The following GRM7 variants were observed in gnomAD, a reference collection of about 807,000 sequenced individuals.
GRM7 encodes the protein glutamate metabotropic receptor 7, also known as metabotropic glutamate receptor 7.
Under a neutral mutation model 84.5 loss-of-function variants are expected in GRM7, and 35 were observed. The observed-to-expected ratio is 0.41, with a 90% CI of 0.32 to 0.55. The LOEUF is 0.55. Ranked by LOEUF, GRM7 falls within the 20% of genes least tolerant of loss-of-function variation. The pLI is 0.19. For synonymous variants in GRM7, 487 were observed against 455.1 expected (o/e 1.07, Z -0.89); for missense variants, 1,003 against 1,194.6 (o/e 0.84, Z 2.36).
chr3:7,548,322 A>C (rs182899277), intron 7 of GRM7, among the ~76,000 whole-genome samples: 1 of 152,282 alleles, frequency 6.6e-6, no homozygotes, highest in East Asian at 1.9e-4. Flanking sequence ...GGACCTCTCC[A>C]CACTCCAGCT....
chr3:7,399,587 G>A (rs1695360374), intron 4 of GRM7, among the ~76,000 whole-genome samples: 1 of 152,156 alleles, frequency 6.6e-6, no homozygotes, highest in South Asian at 2.1e-4. Flanking sequence ...GTTGAAATTT[G>A]ATCCTCAGTG....
intron 2 of GRM7, among the ~76,000 whole-genome samples, chr3:7,172,065 G>A (rs908585077): frequency 1.3e-5 from 2 of 152,204 alleles, no homozygotes; most frequent in Admixed American, 1.3e-4. Flanking sequence ...ATTTGAAATT[G>A]TCAGTGTGTT....
At chr3:7,494,663 C>A (rs67895424) in intron 7 of GRM7, among the ~76,000 whole-genome samples, 1 of 152,028 alleles carries the variant, frequency 6.6e-6, no homozygotes, top group African/African-American at 2.4e-5. Flanking sequence ...TCTGTTTTTA[C>A]ATTAGGTAAG....
intron 7 of GRM7, among the ~76,000 whole-genome samples, chr3:7,557,401 A>G (rs180944346): frequency 2.0e-5 from 3 of 152,324 alleles, no homozygotes; most frequent in African/African-American, 4.8e-5. Flanking sequence ...GTAGTTTTGC[A>G]GTTTGAATAT....
rs139526955 is a variant in GRM7 at position 6,942,313 on chromosome 3, A to C, written c.519+80406A>C. Among the ~76,000 whole-genome samples, 16 of 152,288 alleles carry C rather than the reference A, an allele frequency of 1.1e-4. No individual in the cohort carries two copies. In the East Asian group the frequency reaches 3.1e-3, roughly 29 times the overall value. On this transcript the variant is annotated intron_variant, in intron 1 of 9. Coordinates refer to ENST00000357716, the MANE Select transcript of GRM7 (RefSeq NM_000844.4). Reference sequence around the variant, plus strand: ...GCTTTTTGAGGTATAATTCACATGAAATAAACTGCATGTAATTAAAATGCA... The same window carrying C: ...GCTTTTTGAGGTATAATTCACATGACATAAACTGCATGTAATTAAAATGCA...
intron 5 of GRM7, among the ~76,000 whole-genome samples, chr3:7,422,914 C>G (rs1696455268): frequency 6.6e-6 from 1 of 152,092 alleles, no homozygotes; most frequent in Non-Finnish European, 1.5e-5. Context: ...CCATATGACA[C>G]TAACCGAAGT....
intron 2 of GRM7, among the ~76,000 whole-genome samples, chr3:7,227,892 G>A (rs1173390372): frequency 6.6e-6 from 1 of 152,156 alleles, no homozygotes. Context: ...GTAGTCCCTA[G>A]GTTAGGGATA....
intron 4 of GRM7, among the ~76,000 whole-genome samples, chr3:7,328,953 G>A (rs1342908838): frequency 6.6e-6 from 1 of 151,972 alleles, no homozygotes; most frequent in African/African-American, 2.4e-5. Flanking sequence ...CTCTTTGCAG[G>A]TGCTCTTCCT....
At chr3:7,022,252 G>A (rs1695802809) in intron 1 of GRM7, among the ~76,000 whole-genome samples, 1 of 151,820 alleles carries the variant, frequency 6.6e-6, no homozygotes, top group South Asian at 2.1e-4. Context: ...CTTGAGCCTG[G>A]GAAGTAGAGA....
At chr3:7,402,808 T>C (rs1416334923) in intron 4 of GRM7, among the ~76,000 whole-genome samples, 6 of 148,474 alleles carry the variant, frequency 4.0e-5, no homozygotes, top group African/African-American at 1.5e-4. Flanking sequence ...TGTTTTCCTT[T>C]TTTTTTTTTT....
chr3:7,189,455 A>C (rs1374233461), intron 2 of GRM7, among the ~76,000 whole-genome samples: 1 of 152,202 alleles, frequency 6.6e-6, no homozygotes, highest in Non-Finnish European at 1.5e-5. Flanking sequence ...TTAATGCTGT[A>C]AATATTTTAG....
chr3:7,069,481 A>G (rs1697786735), intron 1 of GRM7, among the ~76,000 whole-genome samples: 1 of 152,136 alleles, frequency 6.6e-6, no homozygotes, highest in Admixed American at 6.6e-5. Flanking sequence ...GAGTTAAGGC[A>G]GTCCATAGAG....
At chr3:7,536,856 T>C (rs778745309) in intron 7 of GRM7, among the ~76,000 whole-genome samples, 5 of 152,182 alleles carry the variant, frequency 3.3e-5, no homozygotes, top group Admixed American at 1.3e-4. Flanking sequence ...ACTATGTTTC[T>C]CCCAGATTTC....
At chr3:7,264,822 C>G (rs1350841043) in intron 2 of GRM7, among the ~76,000 whole-genome samples, 1 of 151,860 alleles carries the variant, frequency 6.6e-6, no homozygotes, top group Non-Finnish European at 1.5e-5. Context: ...GCCACAAAGA[C>G]TACACCAGAG....
intron 2 of GRM7, among the ~76,000 whole-genome samples, chr3:7,203,019 A>G (rs2125115359): frequency 6.6e-6 from 1 of 152,366 alleles, no homozygotes; most frequent in Admixed American, 6.5e-5. Context: ...GTCAGGGTAG[A>G]GGAGGTATCC....
intron 1 of GRM7, among the ~76,000 whole-genome samples, chr3:7,091,014 C>T (rs902399726): frequency 6.6e-6 from 1 of 152,020 alleles, no homozygotes; most frequent in Admixed American, 6.6e-5. Context: ...AAATAATTAA[C>T]ATATTAAATG....
At chr3:7,487,637 C>G (rs1466059567) in intron 7 of GRM7, among the ~76,000 whole-genome samples, 3 of 152,244 alleles carry the variant, frequency 2.0e-5, no homozygotes, top group African/African-American at 7.2e-5. Flanking sequence ...TTGCCATTCA[C>G]TACCAAGTGG....
intron 6 of GRM7, among the ~76,000 whole-genome samples, chr3:7,458,307 G>C (rs1201916993): frequency 6.6e-6 from 1 of 152,120 alleles, no homozygotes; most frequent in Non-Finnish European, 1.5e-5. Flanking sequence ...CTAATGCCTT[G>C]TGGGCATCTC....
Position 6,879,007 on chromosome 3 carries a change from CA to C in GRM7, c.519+17101del, listed in dbSNP as rs545517102. On this transcript the variant is annotated intron_variant, in intron 1 of 9. Coordinates refer to ENST00000357716, the MANE Select transcript of GRM7 (RefSeq NM_000844.4). The stretch of plus-strand genomic sequence containing the variant: ...GTGTGTTTCATGAAAGATGAGTTTA[CA>C]GAGACCCATAGGAGTGCAAAGGGCC... 3.3e-5 allele frequency among the ~76,000 whole-genome samples: 5 copies of C among 152,278 alleles called. No homozygotes were observed. In the East Asian group the frequency reaches 9.6e-4, roughly 29 times the overall value.
Sources: allele counts gnomAD v4.1 joint callset (sites outside exome capture counted in the v4.1 genomes callset), GRCh38; gene constraint gnomAD v4.1.1; transcripts MANE v1.5; gene names NCBI Gene and HGNC (gene_info 2026-07-23, HGNC 2026-07-21).